The following TMF1 variants were observed in gnomAD, a reference collection of about 807,000 sequenced individuals.
TMF1 encodes TATA element modulatory factor 1.
TMF1 carries 71 observed loss-of-function variants against 126.5 expected under a neutral mutation model. That is an observed-to-expected ratio of 0.56 (90% CI 0.46 to 0.68). The LOEUF is 0.68. Among genes scored for constraint, TMF1 ranks in the 30% least tolerant of loss-of-function variants. The probability of loss-of-function intolerance (pLI) is 0.00; values close to 1 mark genes in which losing one functional copy is unlikely to be tolerated. For missense variants in TMF1, 1,259 were observed against 1,253.2 expected (o/e 1.00, Z -0.07); for synonymous variants, 461 against 430.5 (o/e 1.07, Z -0.88).
chr3:69,035,448 GGA>G, intron 8 of TMF1: 1 of 192,318 alleles, frequency 5.2e-6, no homozygotes, highest in Non-Finnish European at 1.1e-5. Context: ...GGTGCTATAC[GGA>G]TTATAAAAGC....
intron 10 of TMF1, among the ~76,000 whole-genome samples, chr3:69,031,992 C>T (rs560035932): frequency 6.6e-6 from 1 of 152,250 alleles, no homozygotes; most frequent in Non-Finnish European, 1.5e-5. Flanking sequence ...CAGAGATAAA[C>T]GACAGACCTA....
intron 4 of TMF1, 149 bp downstream of exon 4, chr3:69,043,601 G>A (rs578240569): frequency 5.1e-5 from 38 of 742,048 alleles, no homozygotes; most frequent in South Asian, 1.2e-4. Flanking sequence ...GCCACCACAC[G>A]TGGCCAAAAA....
intron 10 of TMF1, among the ~76,000 whole-genome samples, chr3:69,031,037 A>G (rs1450492323): frequency 6.6e-6 from 1 of 152,244 alleles, no homozygotes; most frequent in Non-Finnish European, 1.5e-5. Context: ...TACGTGGTAC[A>G]TACTATGGAA....
At chr3:69,028,133 C>T in intron 12 of TMF1, 93 bp downstream of exon 12, 2 of 1,204,764 alleles carry the variant, frequency 1.7e-6, no homozygotes, top group South Asian at 1.3e-5. Context: ...AGTGGCATCA[C>T]CCATTTCATC....
At chr3:69,036,505 C>T (rs908188677) in intron 8 of TMF1, among the ~76,000 whole-genome samples, 4 of 152,152 alleles carry the variant, frequency 2.6e-5, no homozygotes, top group African/African-American at 4.8e-5. Context: ...TGTGTATGTA[C>T]GCAGAACATG....
intron 2 of TMF1, among the ~76,000 whole-genome samples, chr3:69,045,642 T>C (rs540512044): frequency 6.6e-6 from 1 of 151,872 alleles, no homozygotes; most frequent in East Asian, 1.9e-4. Flanking sequence ...TAGCCAGGCA[T>C]GGTAGCATAC....
chr3:69,037,206 G>A (rs2091836716), intron 8 of TMF1, among the ~76,000 whole-genome samples: 1 of 152,212 alleles, frequency 6.6e-6, no homozygotes, highest in Admixed American at 6.5e-5. Flanking sequence ...TTAAGAGAAT[G>A]CAAATCAGCC....
intron 10 of TMF1, among the ~76,000 whole-genome samples, chr3:69,031,437 T>C (rs202050225): frequency 1.4e-3 from 201 of 148,440 alleles, no homozygotes; most frequent in African/African-American, 4.6e-3. Flanking sequence ...CACACACACA[T>C]ACACAAATGA....
intron 8 of TMF1, among the ~76,000 whole-genome samples, chr3:69,038,289 G>A (rs2091843778): frequency 6.6e-6 from 1 of 152,118 alleles, no homozygotes; most frequent in Admixed American, 6.5e-5. Flanking sequence ...CAATATGTAT[G>A]TGCATTTTTG....
chr3:69,024,196 A>G lies in TMF1; in HGVS notation c.3013-16T>C. The stretch of plus-strand genomic sequence containing the variant: ...CAATTTCTAGCTGAGAAGCATTACC[A>G]CAAAATAGTTTAAATCAAAACATAT... On this transcript the variant is annotated splice_polypyrimidine_tract_variant and intron_variant, in intron 15 of 16. Coordinates refer to ENST00000398559, the MANE Select transcript of TMF1 (RefSeq NM_007114.3). 6.3e-7 allele frequency: 1 copy of G among 1,587,364 alleles called. No individual in the cohort carries two copies. The highest frequency in any genetic ancestry group is 1.2e-5 in the South Asian group (1 of 84,908).
Position 69,043,997 on chromosome 3 carries a change from A to T in TMF1, c.1452-121T>A, listed in dbSNP as rs891645114. On this transcript the variant is annotated intron_variant, in intron 3 of 16. Transcript: ENST00000398559. ...GACATATACCTTATTAAAATAGAAC[A>T]GTTTTAGGCCTATTAACTTTTAAGA... is the stretch of plus-strand genomic sequence containing the variant. 4 of 694,348 alleles carry T rather than the reference A, an allele frequency of 5.8e-6. No homozygotes were observed. The Admixed American group carries it at 1.4e-4, about 25-fold the overall frequency. The allele number at this position is 694,348 out of a possible 1,614,324, so 43.0% of individuals were successfully genotyped here. A position where few individuals can be genotyped will look rare whatever the true frequency, so the allele number is the denominator to read the frequency against.
intron 15 of TMF1, chr3:69,024,664 C>T (rs934404722): frequency 1.3e-5 from 2 of 152,152 alleles, no homozygotes; most frequent in South Asian, 2.1e-4. Flanking sequence ...TTTGCCAATT[C>T]AAGTTCTTTA....
intron 16 of TMF1, among the ~76,000 whole-genome samples, chr3:69,023,784 GAT>G (rs1475247547): frequency 6.6e-6 from 1 of 152,070 alleles, no homozygotes; most frequent in Non-Finnish European, 1.5e-5. Context: ...ATATTACTAA[GAT>G]CATACAAAGT....
chr3:69,035,290 G>GT (rs1240470919), intron 8 of TMF1, 175 bp from the exon 9 acceptor site: 1 of 561,062 alleles, frequency 1.8e-6, no homozygotes, highest in East Asian at 3.0e-5. Context: ...TTCTAAAACT[G>GT]TATGTATATT....
At position 69,048,044 on chromosome 3, in the gene TMF1, C is replaced by G; in HGVS notation, c.661G>C (p.Glu221Gln). Residue 221 changes from glutamate (E) to glutamine (Q), a missense_variant, in exon 2 of 17, where the codon GAA becomes CAA. By Grantham distance (29) the Glu-to-Gln change is conservative. Transcript: ENST00000398559. The stretch of plus-strand genomic sequence containing the variant: ...GGTTCCAAAGCTATGTCCTTTGTTT[C>G]TGCTGTGAGAGACTGCGTAGACGTA... ...SNTSTQSLTAETKDIALEPKE... is the reference protein window; with the variant it reads ...SNTSTQSLTAQTKDIALEPKE... The G allele has an allele frequency of 6.2e-7, 1 of 1,614,068 alleles. No individual in the cohort carries two copies.
intron 10 of TMF1, among the ~76,000 whole-genome samples, chr3:69,032,811 A>G (rs988127138): frequency 6.6e-6 from 1 of 151,952 alleles, no homozygotes; most frequent in South Asian, 2.1e-4. Context: ...GGGTCTCATC[A>G]TGTTGGCCAG....
chr3:69,047,836 T>C lies in TMF1; in HGVS notation c.869A>G (p.Gln290Arg). Residue 290 changes from glutamine to arginine, a missense_variant, in exon 2 of 17, where the codon CAG (glutamine) becomes CGG (arginine). By Grantham distance (43) the Gln-to-Arg change is conservative. Coordinates refer to ENST00000398559, the MANE Select transcript of TMF1 (RefSeq NM_007114.3). ...TDSKSSLHLM[Q>R]TSFQLLSASA... ...TGCAGAGAGAAGCTGAAAAGATGTCTGCATCAAGTGAAGACTTGATTTTGA... is the reference window on the plus strand; with the variant it reads ...TGCAGAGAGAAGCTGAAAAGATGTCCGCATCAAGTGAAGACTTGATTTTGA... The C allele has an allele frequency of 6.2e-7, 1 of 1,614,082 alleles. No individual in the cohort carries two copies. Among genetic ancestry groups the C allele is most frequent in the Non-Finnish European group, 8.5e-7 (1 of 1,180,028 alleles).
rs748565493 is a variant in TMF1 at position 69,048,060 on chromosome 3, C to T, written c.645G>A (p.Thr215=). ...TTMESISNTS[T]QSLTAETKDI... ...CCTTTGTTTCTGCTGTGAGAGACTG[C>T]GTAGACGTATTAGATATACTTTCCA... is the stretch of plus-strand genomic sequence containing the variant. The change falls in exon 2 of 17, where the codon ACG becomes ACA. Residue 215 remains threonine (T), a synonymous_variant. Coordinates refer to ENST00000398559, the MANE Select transcript of TMF1 (RefSeq NM_007114.3). The T allele has an allele frequency of 9.3e-6, 15 of 1,613,924 alleles. No homozygotes were observed. The African/African-American group carries it at 9.3e-5, about 10-fold the overall frequency.
intron 12 of TMF1, 26 bp from the exon 13 acceptor site, chr3:69,028,018 A>T: frequency 1.5e-6 from 2 of 1,360,372 alleles, no homozygotes; most frequent in Non-Finnish European, 2.1e-6. Flanking sequence ...AAAGTTAGAC[A>T]ATTTCTGTGA....
Sources: gnomAD v4.1 joint callset for allele counts (sites outside exome capture counted in the v4.1 genomes callset) on GRCh38, gnomAD v4.1.1 for gene constraint, MANE v1.5 for transcripts, NCBI Gene and HGNC (gene_info 2026-07-23, HGNC 2026-07-21) for gene names.